Variants in DLG2 observed in about 807,000 individuals in gnomAD.
The protein encoded by DLG2 is disks large homolog 2.
A neutral mutation model predicts 132.5 loss-of-function variants in DLG2; 45 were observed. That is an observed-to-expected ratio of 0.34 (90% CI 0.27 to 0.44). DLG2 has a LOEUF of 0.44. Ranked by LOEUF, DLG2 falls within the 20% of genes least tolerant of loss-of-function variation. The pLI, the probability that DLG2 is intolerant of heterozygous loss-of-function variation, is 1.00. For missense variants in DLG2, 1,045 were observed against 1,196.9 expected, an observed-to-expected ratio of 0.87 and a Z score of 1.87; for synonymous variants, 424 against 419.6, an observed-to-expected ratio of 1.01 and a Z score of -0.13.
intron 12 of DLG2, among the ~76,000 whole-genome samples, chr11:83,977,244 G>A (rs1444051984): frequency 6.6e-6 from 1 of 151,900 alleles, no homozygotes; most frequent in Admixed American, 6.6e-5. Flanking sequence ...CTTGCTTTTT[G>A]AGAATTTTTT....
At chr11:85,609,432 A>T (rs1217960792) in intron 2 of DLG2, among the ~76,000 whole-genome samples, 2 of 152,214 alleles carry the variant, frequency 1.3e-5, no homozygotes, top group Admixed American at 1.3e-4. Context: ...CCACAGCCTT[A>T]GTCATGGCCC....
intron 6 of DLG2, among the ~76,000 whole-genome samples, chr11:85,046,575 T>C (rs2062369827): frequency 1.3e-5 from 2 of 151,832 alleles, no homozygotes. Context: ...ACTCCAAACA[T>C]CAGTTTCATA....
chr11:84,020,632 T>A (rs1040318455), intron 11 of DLG2, among the ~76,000 whole-genome samples: 2 of 152,216 alleles, frequency 1.3e-5, no homozygotes, highest in East Asian at 1.9e-4. Flanking sequence ...TTTGAAGTCA[T>A]AAGAGTTATT....
At chr11:84,774,408 AC>A (rs1371418158) in intron 6 of DLG2, among the ~76,000 whole-genome samples, 5 of 152,302 alleles carry the variant, frequency 3.3e-5, no homozygotes, top group Admixed American at 3.3e-4. Context: ...CTATCAAACG[AC>A]CAACATTCTT....
intron 6 of DLG2, among the ~76,000 whole-genome samples, chr11:84,963,163 T>C (rs1385349719): frequency 1.3e-5 from 2 of 152,192 alleles, no homozygotes; most frequent in East Asian, 3.9e-4. Context: ...ATACAACTTT[T>C]TGAGAGCCTT....
intron 8 of DLG2, among the ~76,000 whole-genome samples, chr11:84,231,360 T>A (rs2097091341): frequency 6.6e-6 from 1 of 152,286 alleles, no homozygotes; most frequent in South Asian, 2.1e-4. Flanking sequence ...AAAAAATCAT[T>A]TTTTCTCACT....
intron 18 of DLG2, among the ~76,000 whole-genome samples, chr11:83,737,236 G>T (rs1026476625): frequency 2.6e-5 from 4 of 152,156 alleles, no homozygotes; most frequent in African/African-American, 4.8e-5. Flanking sequence ...CTGTAATAAA[G>T]TTAATACAAC....
intron 3 of DLG2, among the ~76,000 whole-genome samples, chr11:85,415,074 T>C (rs963447819): frequency 6.6e-5 from 10 of 152,240 alleles, no homozygotes; most frequent in Non-Finnish European, 1.0e-4. Context: ...TGTGTTCTCA[T>C]TGATCAACTC....
At chr11:84,081,451 A>C (rs2154155561) in intron 10 of DLG2, among the ~76,000 whole-genome samples, 1 of 151,836 alleles carries the variant, frequency 6.6e-6, no homozygotes, top group East Asian at 1.9e-4. Flanking sequence ...GAAAAAAAAA[A>C]GTAACAAGGA....
chr11:84,566,960 T>G (rs1281653712), intron 6 of DLG2, among the ~76,000 whole-genome samples: 1 of 152,196 alleles, frequency 6.6e-6, no homozygotes, highest in Non-Finnish European at 1.5e-5. Context: ...TGGTGGAAAC[T>G]CAGATGTTGC....
intron 6 of DLG2, among the ~76,000 whole-genome samples, chr11:84,686,132 C>T (rs143129798): frequency 6.6e-6 from 1 of 152,236 alleles, no homozygotes; most frequent in East Asian, 1.9e-4. Flanking sequence ...ACATTTGGCT[C>T]GAGCCAGACA....
chr11:84,314,521 G>C (rs2098334897), intron 7 of DLG2, among the ~76,000 whole-genome samples: 1 of 151,838 alleles, frequency 6.6e-6, no homozygotes, highest in African/African-American at 2.4e-5. Flanking sequence ...ATATATAAAT[G>C]GAAACAGATC....
chr11:83,989,246 T>C (rs2093560965), intron 11 of DLG2, among the ~76,000 whole-genome samples: 2 of 152,070 alleles, frequency 1.3e-5, no homozygotes, highest in South Asian at 4.2e-4. Context: ...CTGTACAGGG[T>C]TTATGGTAAG....
At chr11:83,685,705 T>G (rs940926782) in intron 18 of DLG2, among the ~76,000 whole-genome samples, 2 of 150,280 alleles carry the variant, frequency 1.3e-5, no homozygotes, top group African/African-American at 4.9e-5. Context: ...AGATCTCCAG[T>G]CTCAATCTGT....
chr11:85,501,253 T>C (rs2093795582), intron 3 of DLG2, among the ~76,000 whole-genome samples: 1 of 152,130 alleles, frequency 6.6e-6, no homozygotes, highest in African/African-American at 2.4e-5. Context: ...CCTTACACCT[T>C]ATACAAAAAT....
At chr11:85,402,795 C>T (rs1311830907) in intron 3 of DLG2, among the ~76,000 whole-genome samples, 1 of 152,254 alleles carries the variant, frequency 6.6e-6, no homozygotes, top group South Asian at 2.1e-4. Context: ...CAATGAGATG[C>T]CATCTCACGC....
At position 83,664,426 on chromosome 11, in the gene DLG2, CT is replaced by C. The variant is rs560427308; in HGVS notation, c.1826-31102del. Among the ~76,000 whole-genome samples, 733 of 141,336 alleles carry C rather than the reference CT, an allele frequency of 5.2e-3. 2 individuals carry two copies. Among genetic ancestry groups the C allele is most frequent in the African/African-American group, 0.01 (400 of 38,598 alleles). 92.7% of individuals were successfully genotyped at this position (141,336 alleles called of 152,430 possible). ...GGTAGAGCAGAATCGTCAAACCTCA[CT>C]TTTTTTTTTTTTTAAATGGGAACCA... On this transcript the variant is annotated intron_variant, in intron 18 of 27. Transcript: ENST00000376104.
At chr11:84,935,823 A>G (rs943334654) in intron 6 of DLG2, among the ~76,000 whole-genome samples, 5 of 152,200 alleles carry the variant, frequency 3.3e-5, no homozygotes, top group Non-Finnish European at 5.9e-5. Flanking sequence ...ATGACCCTGC[A>G]TCTAGCCAAA....
chr11:84,416,696 C>G (rs1194981464), intron 7 of DLG2, among the ~76,000 whole-genome samples: 1 of 152,156 alleles, frequency 6.6e-6, no homozygotes, highest in Non-Finnish European at 1.5e-5. Context: ...ATACATAAAA[C>G]AGTCAAATTG....
Sources: gnomAD v4.1 joint callset for allele counts (sites outside exome capture counted in the v4.1 genomes callset) on GRCh38, gnomAD v4.1.1 for gene constraint, MANE v1.5 for transcripts, NCBI Gene and HGNC (gene_info 2026-07-23, HGNC 2026-07-21) for gene names.